Variants in ABCB1 observed in about 807,000 individuals in gnomAD.
ABCB1 encodes the protein ATP-dependent translocase ABCB1.
A neutral mutation model predicts 142.0 loss-of-function variants in ABCB1; 69 were observed. The ratio of observed to expected loss-of-function variants is 0.49; its 90% CI spans 0.40 to 0.59. The LOEUF is 0.59. Among genes scored for constraint, ABCB1 ranks in the 20% least tolerant of loss-of-function variants. The probability of loss-of-function intolerance (pLI) is 0.00; values close to 1 mark genes in which losing one functional copy is unlikely to be tolerated. For synonymous variants in ABCB1, 532 were observed against 539.2 expected (o/e 0.99, Z 0.18); for missense variants, 1,326 against 1,554.7 (o/e 0.85, Z 2.47).
chr7:87,534,386 T>C (rs1816187543), intron 20 of ABCB1, among the ~76,000 whole-genome samples: 1 of 152,140 alleles, frequency 6.6e-6, no homozygotes, highest in Admixed American at 6.6e-5. Flanking sequence ...ATATTCCTCC[T>C]ACAGAGTAGG....
chr7:87,659,320 G>T (rs1193605998), intron 1 of ABCB1: 4 of 299,320 alleles, frequency 1.3e-5, no homozygotes, highest in East Asian at 1.1e-4. Context: ...TCTTCTAGGG[G>T]GCTGTTTGAA....
chr7:87,523,484 C>T (rs1815626764), intron 21 of ABCB1, among the ~76,000 whole-genome samples: 1 of 152,064 alleles, frequency 6.6e-6, no homozygotes, highest in Non-Finnish European at 1.5e-5. Context: ...CAAAAATTAG[C>T]TGGGCATGGT....
chr7:87,574,038 T>C (rs1818173510), intron 4 of ABCB1, among the ~76,000 whole-genome samples: 1 of 151,994 alleles, frequency 6.6e-6, no homozygotes. Context: ...GAGAAGAAAA[T>C]AAGTAGTTGA....
intron 9 of ABCB1, among the ~76,000 whole-genome samples, chr7:87,552,133 C>CT (rs1184577082): frequency 2.0e-5 from 3 of 152,126 alleles, no homozygotes; most frequent in Non-Finnish European, 4.4e-5. Context: ...ATCAGGTTGT[C>CT]TTTTTTGCCA....
At chr7:87,532,629 A>C (rs908703020) in intron 20 of ABCB1, among the ~76,000 whole-genome samples, 1 of 152,108 alleles carries the variant, frequency 6.6e-6, no homozygotes, top group African/African-American at 2.4e-5. Flanking sequence ...AGAAGAGCCC[A>C]CCCCTTTTCC....
At chr7:87,593,782 T>C (rs748418265) in intron 3 of ABCB1, among the ~76,000 whole-genome samples, 5 of 152,234 alleles carry the variant, frequency 3.3e-5, no homozygotes, top group African/African-American at 7.2e-5. Context: ...AACTCATTGC[T>C]TGGGGAAATT....
intron 1 of ABCB1, among the ~76,000 whole-genome samples, chr7:87,667,957 G>A (rs1312407541): frequency 6.6e-6 from 1 of 151,890 alleles, no homozygotes; most frequent in African/African-American, 2.4e-5. Context: ...TTTTTTTGTT[G>A]TGTCTCTTCC....
At chr7:87,637,552 A>G (rs992224694) in intron 1 of ABCB1, among the ~76,000 whole-genome samples, 5 of 152,298 alleles carry the variant, frequency 3.3e-5, no homozygotes, top group African/African-American at 1.2e-4. Flanking sequence ...ACCCATGAAC[A>G]TAACCTATTT....
chr7:87,523,536 C>G (rs1196480043), intron 21 of ABCB1, among the ~76,000 whole-genome samples: 1 of 152,138 alleles, frequency 6.6e-6, no homozygotes, highest in Non-Finnish European at 1.5e-5. Context: ...GCAGAGGAAG[C>G]GCTCGAACTG....
chr7:87,620,307 G>A (rs1339259918), intron 1 of ABCB1, among the ~76,000 whole-genome samples: 2 of 151,944 alleles, frequency 1.3e-5, no homozygotes, highest in African/African-American at 2.4e-5. Flanking sequence ...CTACAGGCGC[G>A]TGCCACCACA....
At chr7:87,607,706 C>A (rs568403626) in intron 1 of ABCB1, among the ~76,000 whole-genome samples, 2 of 151,528 alleles carry the variant, frequency 1.3e-5, no homozygotes, top group East Asian at 1.9e-4. Flanking sequence ...TGTGCGCCAC[C>A]TTGCCTGGCT....
chr7:87,706,501 A>C (rs1190325859), intron 1 of ABCB1, among the ~76,000 whole-genome samples: 3 of 152,216 alleles, frequency 2.0e-5, no homozygotes, highest in Admixed American at 1.3e-4. Context: ...CCTACTGCTG[A>C]GAACAACTAT....
At chr7:87,660,861 G>C (rs1824632162) in intron 1 of ABCB1, among the ~76,000 whole-genome samples, 1 of 151,794 alleles carries the variant, frequency 6.6e-6, no homozygotes, top group African/African-American at 2.4e-5. Flanking sequence ...CTGAAAATAG[G>C]AGATTTTACC....
rs1439403511 is a variant in ABCB1 at position 87,521,910 on chromosome 7, A to T, written c.2686-1034T>A. On this transcript the variant is annotated intron_variant, in intron 21 of 27. Coordinates refer to ENST00000622132, the MANE Select transcript of ABCB1 (RefSeq NM_001348946.2). Reference sequence around the variant, plus strand: ...GTGATAAGAAAAGGGGCTTTGCTTTAGTAACTTTTGACGACCATGACTCCA... The same window carrying T: ...GTGATAAGAAAAGGGGCTTTGCTTTTGTAACTTTTGACGACCATGACTCCA... 48 of 775,612 alleles carry T rather than the reference A, an allele frequency of 6.2e-5. No individual in the cohort carries two copies. The Admixed American group carries it at 8.2e-4, about 13-fold the overall frequency. 48.0% of individuals were successfully genotyped at this position (775,612 alleles called of 1,614,324 possible). A position where few individuals can be genotyped will look rare whatever the true frequency, so the allele number is the denominator to read the frequency against.
upstream of ABCB1, chr7:87,601,146 C>G (rs145617883): frequency 1.3e-5 from 2 of 152,186 alleles, no homozygotes; most frequent in Non-Finnish European, 2.9e-5. Context: ...TATGTAGACA[C>G]GTCTTTCAAA....
At chr7:87,622,817 G>A (rs1004136399) in intron 1 of ABCB1, among the ~76,000 whole-genome samples, 1 of 152,002 alleles carries the variant, frequency 6.6e-6, no homozygotes, top group Admixed American at 6.6e-5. Context: ...GATCGCATGA[G>A]ACCGGGAGTT....
chr7:87,570,831 A>G (rs1030967055), intron 4 of ABCB1, among the ~76,000 whole-genome samples: 8 of 152,098 alleles, frequency 5.3e-5, no homozygotes, highest in Admixed American at 2.0e-4. Context: ...TTGTGTGTAC[A>G]TTTTCAGATT....
chr7:87,606,369 G>A (rs1177252763), intron 1 of ABCB1, among the ~76,000 whole-genome samples: 2 of 151,974 alleles, frequency 1.3e-5, no homozygotes, highest in East Asian at 3.9e-4. Context: ...CATACATAAG[G>A]AAAACTTAAG....
chr7:87,661,184 G>T (rs1824671851), intron 1 of ABCB1, among the ~76,000 whole-genome samples: 1 of 151,570 alleles, frequency 6.6e-6, no homozygotes, highest in African/African-American at 2.4e-5. Flanking sequence ...TTTTTTTACA[G>T]GCACACAATG....
Sources: allele counts gnomAD v4.1 joint callset (sites outside exome capture counted in the v4.1 genomes callset), GRCh38; gene constraint gnomAD v4.1.1; transcripts MANE v1.5; gene names NCBI Gene and HGNC (gene_info 2026-07-23, HGNC 2026-07-21).